WWOX: variants seen among roughly 807,000 people sequenced by gnomAD.
The protein encoded by WWOX is WW domain containing oxidoreductase.
A neutral mutation model predicts 46.2 loss-of-function variants in WWOX; 69 were observed. The ratio of observed to expected loss-of-function variants is 1.49; its 90% CI spans 1.23 to 1.82. The LOEUF is 1.82. Ranked by LOEUF, WWOX falls within the 40% of genes most tolerant of loss-of-function variation. WWOX has a pLI of 0.00. For missense variants in WWOX, 919 were observed against 542.6 expected (o/e 1.69, Z -6.89); for synonymous variants, 359 against 202.6 (o/e 1.77, Z -6.56).
rs370595187 is a variant in WWOX at position 79,197,680 on chromosome 16, A to T, written c.1057-13928A>T. On this transcript the variant is annotated intron_variant, in intron 8 of 8. Transcript: ENST00000566780. Reference sequence around the variant, plus strand: ...GCTTTAGAAAGGCAGTTCTGTAATGACATGAAAAACATATTGCTTGGTAAT... The same window carrying T: ...GCTTTAGAAAGGCAGTTCTGTAATGTCATGAAAAACATATTGCTTGGTAAT... Among the ~76,000 whole-genome samples the T allele has an allele frequency of 3.9e-5, 6 of 152,334 alleles. No homozygotes were observed. In the East Asian group the frequency reaches 9.6e-4, roughly 24 times the overall value.
intron 5 of WWOX, among the ~76,000 whole-genome samples, chr16:78,353,242 G>A (rs545358661): frequency 3.3e-5 from 5 of 152,276 alleles, no homozygotes; most frequent in Admixed American, 6.5e-5. Flanking sequence ...GTAGGGGCCC[G>A]TGTATAATAC....
intron 5 of WWOX, among the ~76,000 whole-genome samples, chr16:78,361,325 C>G (rs916499233): frequency 7.2e-5 from 11 of 152,104 alleles, no homozygotes; most frequent in South Asian, 4.1e-4. Flanking sequence ...TAATGTTAAC[C>G]TTGATCACTT....
intron 8 of WWOX, among the ~76,000 whole-genome samples, chr16:78,792,375 A>G (rs528609790): frequency 2.6e-4 from 39 of 152,270 alleles, no homozygotes; most frequent in African/African-American, 8.2e-4. Context: ...AGAAACAGAA[A>G]AAAACAGGCA....
At chr16:78,880,057 A>C (rs1473335775) in intron 8 of WWOX, among the ~76,000 whole-genome samples, 6 of 152,222 alleles carry the variant, frequency 3.9e-5, no homozygotes, top group Non-Finnish European at 8.8e-5. Flanking sequence ...GAAAACAGAG[A>C]CATGATACGA....
chr16:78,548,246 C>A (rs1317109939), intron 8 of WWOX, among the ~76,000 whole-genome samples: 2 of 150,584 alleles, frequency 1.3e-5, no homozygotes, highest in Non-Finnish European at 2.9e-5. Context: ...TGAGCTAAGA[C>A]TCTGCTGTTG....
intron 5 of WWOX, among the ~76,000 whole-genome samples, chr16:78,254,924 G>T (rs558366195): frequency 1.3e-5 from 2 of 152,270 alleles, no homozygotes; most frequent in South Asian, 4.1e-4. Flanking sequence ...TCTGCCCAGA[G>T]GCTGGGAGCA....
At chr16:78,418,427 A>AG (rs1817873874) in intron 6 of WWOX, among the ~76,000 whole-genome samples, 1 of 152,232 alleles carries the variant, frequency 6.6e-6, no homozygotes, top group African/African-American at 2.4e-5. Context: ...AAAACAGAAG[A>AG]GGAGGAAACA....
intron 5 of WWOX, among the ~76,000 whole-genome samples, chr16:78,311,491 G>C (rs2080242929): frequency 6.6e-6 from 1 of 152,184 alleles, no homozygotes; most frequent in Admixed American, 6.5e-5. Flanking sequence ...TGCAGTTGTT[G>C]GGCTTTTGAG....
intron 8 of WWOX, among the ~76,000 whole-genome samples, chr16:78,840,459 C>T (rs1597703258): frequency 6.6e-6 from 1 of 152,102 alleles, no homozygotes; most frequent in East Asian, 1.9e-4. Context: ...TGAAGAGGAG[C>T]GATGGCATGG....
intron 6 of WWOX, among the ~76,000 whole-genome samples, chr16:78,422,426 C>T (rs894632059): frequency 6.6e-6 from 1 of 151,020 alleles, no homozygotes; most frequent in Non-Finnish European, 1.5e-5. Context: ...TCATTGCAGC[C>T]CTTGAACTCC....
chr16:78,341,404 A>T lies in WWOX; in HGVS notation c.517-45456A>T, dbSNP rs1479588694. Among the ~76,000 whole-genome samples the T allele has an allele frequency of 5.8e-5, 7 of 121,568 alleles. 2 individuals carry two copies. Among genetic ancestry groups the T allele is most frequent in the Admixed American group, 1.6e-4 (2 of 12,452 alleles). 79.8% of individuals were successfully genotyped at this position (121,568 alleles called of 152,430 possible). The stretch of plus-strand genomic sequence containing the variant: ...TAGTGTGATTTGGGATGAAAATTTT[A>T]AAAAATCAATATGTATAATCCACCA... On this transcript the variant is annotated intron_variant, in intron 5 of 8. Coordinates refer to ENST00000566780, the MANE Select transcript of WWOX (RefSeq NM_016373.4).
intron 8 of WWOX, among the ~76,000 whole-genome samples, chr16:78,827,005 C>T (rs944015985): frequency 5.9e-5 from 9 of 152,100 alleles, no homozygotes; most frequent in African/African-American, 1.7e-4. Context: ...AGATTATTTC[C>T]TCCCCGTGTC....
chr16:78,890,367 T>G (rs199545328), intron 8 of WWOX: 3 of 152,208 alleles, frequency 2.0e-5, no homozygotes, highest in African/African-American at 7.2e-5. Context: ...CCTCCATCAT[T>G]CTTAAATTTG....
chr16:78,378,104 CT>C (rs2081872043), intron 5 of WWOX, among the ~76,000 whole-genome samples: 1 of 151,982 alleles, frequency 6.6e-6, no homozygotes, highest in African/African-American at 2.4e-5. Context: ...AAGAATCCCC[CT>C]GCGTCCCCCC....
At chr16:78,702,798 A>C (rs181562925) in intron 8 of WWOX, among the ~76,000 whole-genome samples, 18 of 152,320 alleles carry the variant, frequency 1.2e-4, no homozygotes, top group Admixed American at 5.9e-4. Context: ...TATTTGGAGA[A>C]GCTCTGTGTG....
intron 8 of WWOX, among the ~76,000 whole-genome samples, chr16:78,831,900 C>T (rs902252557): frequency 6.6e-6 from 1 of 152,114 alleles, no homozygotes; most frequent in Non-Finnish European, 1.5e-5. Context: ...GTGATCTCGT[C>T]GTAATTTTCT....
chr16:78,609,325 G>GTATA (rs1567433649), intron 8 of WWOX, among the ~76,000 whole-genome samples: 1 of 151,960 alleles, frequency 6.6e-6, no homozygotes, highest in Non-Finnish European at 1.5e-5. Flanking sequence ...ATTTTCAAGG[G>GTATA]GAGGCTTAGC....
intron 8 of WWOX, among the ~76,000 whole-genome samples, chr16:79,120,191 T>C (rs2049600425): frequency 6.6e-6 from 1 of 152,216 alleles, no homozygotes; most frequent in Non-Finnish European, 1.5e-5. Context: ...GCCAGGGGGC[T>C]CAGTTGTTCC....
intron 8 of WWOX, among the ~76,000 whole-genome samples, chr16:78,588,290 G>C (rs1247197819): frequency 6.6e-6 from 1 of 152,186 alleles, no homozygotes; most frequent in Non-Finnish European, 1.5e-5. Context: ...AGACTCATAG[G>C]TTTTGGGTGC....
Sources: allele counts gnomAD v4.1 joint callset (sites outside exome capture counted in the v4.1 genomes callset), GRCh38; gene constraint gnomAD v4.1.1; transcripts MANE v1.5; gene names NCBI Gene and HGNC (gene_info 2026-07-23, HGNC 2026-07-21).